The following KIAA1671 variants were observed in gnomAD, a reference collection of about 807,000 sequenced individuals.
KIAA1671 encodes the protein uncharacterized protein KIAA1671.
In KIAA1671, 52 loss-of-function variants were observed where a neutral mutation model predicts 131.2. That is an observed-to-expected ratio of 0.40 (90% CI 0.32 to 0.50). The LOEUF is 0.50. KIAA1671 is among the 20% of genes least tolerant of loss of function. The pLI, the probability that KIAA1671 is intolerant of heterozygous loss-of-function variation, is 0.73. For synonymous variants in KIAA1671, 1,003 were observed against 961.6 expected (o/e 1.04, Z -0.80); for missense variants, 2,360 against 2,364.2 (o/e 1.00, Z 0.04).
chr22:25,132,257 A>G (rs968303329), intron 6 of KIAA1671, among the ~76,000 whole-genome samples: 7 of 152,300 alleles, frequency 4.6e-5, no homozygotes, highest in Non-Finnish European at 8.8e-5. Flanking sequence ...GGAGGTTCTC[A>G]AACAATGCAA....
intron 5 of KIAA1671, among the ~76,000 whole-genome samples, chr22:25,043,736 G>A (rs1927067933): frequency 6.6e-6 from 1 of 152,170 alleles, no homozygotes; most frequent in Non-Finnish European, 1.5e-5. Context: ...GATGAGGGGA[G>A]GTGAGGGCAT....
intron 5 of KIAA1671, among the ~76,000 whole-genome samples, chr22:25,046,495 CCCAA>C (rs1264969806): frequency 1.9e-5 from 2 of 104,006 alleles, no homozygotes; most frequent in African/African-American, 1.0e-4. Flanking sequence ...GTTTCCCAGA[CCCAA>C]CAGTATTTCA....
intron 1 of KIAA1671, among the ~76,000 whole-genome samples, chr22:24,961,886 G>A (rs529913066): frequency 2.6e-5 from 4 of 152,312 alleles, no homozygotes; most frequent in Admixed American, 2.6e-4. Context: ...ATTTGTGTGG[G>A]ACAAGTGGTC....
At chr22:25,050,357 C>T (rs1379847418) in intron 6 of KIAA1671, 1 of 152,280 alleles carries the variant, frequency 6.6e-6, no homozygotes, top group Admixed American at 6.5e-5. Context: ...GCTCATGAAG[C>T]CCCTTTCCGG....
chr22:25,072,719 C>A (rs1928894964), intron 6 of KIAA1671, among the ~76,000 whole-genome samples: 2 of 152,126 alleles, frequency 1.3e-5, no homozygotes, highest in African/African-American at 4.8e-5. Context: ...AAAGCGAGGC[C>A]CCGCTGCCTT....
At chr22:24,974,685 CTTTTTTTTTTT>C (rs34171375) in intron 1 of KIAA1671, among the ~76,000 whole-genome samples, 5 of 81,258 alleles carry the variant, frequency 6.2e-5, no homozygotes, top group African/African-American at 1.6e-4. Context: ...CAGCTCACCT[CTTTTTTTTTTT>C]TTTTTTTTTT....
intron 6 of KIAA1671, among the ~76,000 whole-genome samples, chr22:25,077,800 T>C (rs796785042): frequency 1.0e-4 from 16 of 152,392 alleles, no homozygotes; most frequent in African/African-American, 3.6e-4. Context: ...AAAATCTAAA[T>C]GTGGTTAGTT....
intron 6 of KIAA1671, among the ~76,000 whole-genome samples, chr22:25,124,646 G>A (rs866846963): frequency 6.6e-6 from 1 of 152,208 alleles, no homozygotes; most frequent in Non-Finnish European, 1.5e-5. Context: ...AACCTCGGAA[G>A]TGCATAATAA....
chr22:25,093,768 G>GTC (rs71191028), intron 6 of KIAA1671, among the ~76,000 whole-genome samples: 1,006 of 60,708 alleles, frequency 0.017, 43 homozygotes, highest in Admixed American at 0.061. Context: ...CTCTCTCTCT[G>GTC]TCTCTCTCTC....
chr22:25,069,251 A>G (rs1270508042), intron 6 of KIAA1671, among the ~76,000 whole-genome samples: 1 of 152,200 alleles, frequency 6.6e-6, no homozygotes, highest in East Asian at 1.9e-4. Context: ...GAATCCTCAA[A>G]GCCCTGAACA....
chr22:25,066,094 G>C (rs904925873), intron 6 of KIAA1671, among the ~76,000 whole-genome samples: 8 of 151,930 alleles, frequency 5.3e-5, no homozygotes, highest in African/African-American at 1.9e-4. Context: ...ATGAGGGAGG[G>C]GATGGAAGGG....
At chr22:25,191,339 A>G (rs1046657891) in intron 12 of KIAA1671, among the ~76,000 whole-genome samples, 6 of 151,752 alleles carry the variant, frequency 4.0e-5, no homozygotes, top group Admixed American at 3.9e-4. Flanking sequence ...TATTTTTTGT[A>G]GAGATGGAGT....
chr22:25,158,830 C>T (rs1933335810), intron 6 of KIAA1671, among the ~76,000 whole-genome samples: 1 of 152,178 alleles, frequency 6.6e-6, no homozygotes, highest in South Asian at 2.1e-4. Context: ...AAGCACCATC[C>T]AAGTGTCTGC....
chr22:25,039,542 C>A lies in KIAA1671; in HGVS notation c.2412C>A (p.Gly804=). Residue 804 remains glycine, a synonymous_variant, in exon 5 of 13, where the codon GGC becomes GGA. Transcript: ENST00000358431. ...QRASLIWEAR[G]MPEASGPKFG... ...CCAGTTTGATTTGGGAAGCTCGAGG[C>A]ATGCCTGAGGCTAGTGGACCGAAGT... The A allele has an allele frequency of 6.4e-7, 1 of 1,551,836 alleles. No homozygotes were observed. The highest frequency in any genetic ancestry group is 1.2e-5 in the South Asian group (1 of 84,066).
At chr22:25,140,220 C>T (rs958443489) in intron 6 of KIAA1671, among the ~76,000 whole-genome samples, 22 of 152,188 alleles carry the variant, frequency 1.4e-4, no homozygotes, top group African/African-American at 4.8e-4. Context: ...AGAGGACTGA[C>T]GGCCCTGGCC....
At chr22:24,964,127 G>C (rs2123802363) in intron 1 of KIAA1671, among the ~76,000 whole-genome samples, 1 of 152,116 alleles carries the variant, frequency 6.6e-6, no homozygotes, top group East Asian at 1.9e-4. Context: ...TCAGGATTTT[G>C]AGACCAGCCT....
chr22:25,036,750 C>A (rs1429670130), intron 4 of KIAA1671, among the ~76,000 whole-genome samples: 1 of 151,920 alleles, frequency 6.6e-6, no homozygotes, highest in Non-Finnish European at 1.5e-5. Context: ...GAAACCCCAT[C>A]TGTACTAAAA....
intron 1 of KIAA1671, among the ~76,000 whole-genome samples, chr22:24,978,187 G>A (rs111365989): frequency 0.013 from 2,026 of 152,240 alleles, 58 homozygotes; most frequent in African/African-American, 0.046. Context: ...TGTTGTGAGA[G>A]GGACCTGGTG....
At chr22:25,187,394 C>T (rs1205066549) in intron 11 of KIAA1671, among the ~76,000 whole-genome samples, 1 of 152,206 alleles carries the variant, frequency 6.6e-6, no homozygotes, top group Non-Finnish European at 1.5e-5. Context: ...GAGATCACGA[C>T]GTTTGCGTAG....
Sources: gnomAD v4.1 joint callset for allele counts (sites outside exome capture counted in the v4.1 genomes callset) on GRCh38, gnomAD v4.1.1 for gene constraint, MANE v1.5 for transcripts, NCBI Gene and HGNC (gene_info 2026-07-23, HGNC 2026-07-21) for gene names.